PHACTR3: variants seen among roughly 807,000 people sequenced by gnomAD.
The protein encoded by PHACTR3 is phosphatase and actin regulator 3.
Under a neutral mutation model 66.8 loss-of-function variants are expected in PHACTR3, and 16 were observed. The ratio of observed to expected loss-of-function variants is 0.24; its 90% confidence interval spans 0.16 to 0.36. PHACTR3 has a LOEUF of 0.36. Ranked by LOEUF, PHACTR3 falls within the 10% of genes least tolerant of loss-of-function variation. PHACTR3 has a pLI of 1.00. For synonymous variants in PHACTR3, 323 were observed against 292.1 expected (o/e 1.11, Z -1.08); for missense variants, 647 against 719.9 (o/e 0.90, Z 1.16).
intron 1 of PHACTR3, among the ~76,000 whole-genome samples, chr20:59,648,061 T>C (rs2035342301): frequency 6.6e-6 from 1 of 152,254 alleles, no homozygotes; most frequent in South Asian, 2.1e-4. Flanking sequence ...CATATGGCTT[T>C]AGTTGCTGTT....
chr20:59,822,115 G>C lies in PHACTR3; in HGVS notation c.1329-14390G>C, dbSNP rs1328281447. ...CCAGCGATCCCACCCCCTCCGCAGC[G>C]ATCCCACCCCCTCCGCAGCGATCCC... On this transcript the variant is annotated intron_variant, in intron 8 of 12. Transcript: ENST00000371015. 7.1e-5 allele frequency among the ~76,000 whole-genome samples: 3 copies of C among 42,316 alleles called. No homozygotes were observed. In the South Asian group the frequency reaches 5.7e-3, roughly 80 times the overall value. 27.8% of individuals were successfully genotyped at this position (42,316 alleles called of 152,430 possible). A position where few individuals can be genotyped will look rare whatever the true frequency, so the allele number is the denominator to read the frequency against.
chr20:59,809,976 T>A (rs1028839081), intron 8 of PHACTR3, among the ~76,000 whole-genome samples: 1 of 152,244 alleles, frequency 6.6e-6, no homozygotes, highest in Non-Finnish European at 1.5e-5. Flanking sequence ...CAGAATTTTA[T>A]TCACTTCTGT....
At chr20:59,814,433 C>A (rs920390084) in intron 8 of PHACTR3, among the ~76,000 whole-genome samples, 4 of 152,112 alleles carry the variant, frequency 2.6e-5, no homozygotes, top group African/African-American at 9.7e-5. Flanking sequence ...GTTATATGTC[C>A]AAAGGGTCCC....
At chr20:59,780,185 C>T (rs2040676398) in intron 7 of PHACTR3, among the ~76,000 whole-genome samples, 1 of 152,176 alleles carries the variant, frequency 6.6e-6, no homozygotes, top group South Asian at 2.1e-4. Flanking sequence ...GCTGCTGCTC[C>T]TCCTGCAGAC....
At chr20:59,759,715 C>A (rs2039931186) in intron 4 of PHACTR3, among the ~76,000 whole-genome samples, 1 of 152,206 alleles carries the variant, frequency 6.6e-6, no homozygotes, top group Admixed American at 6.5e-5. Flanking sequence ...CTGATGCTGT[C>A]TGTTCTCTTC....
chr20:59,825,233 C>T (rs770832681), intron 8 of PHACTR3, among the ~76,000 whole-genome samples: 2 of 152,190 alleles, frequency 1.3e-5, no homozygotes, highest in Admixed American at 6.5e-5. Context: ...GCTGTGCAAG[C>T]GTGGGACTGT....
chr20:59,799,265 G>T (rs559040830), intron 7 of PHACTR3, among the ~76,000 whole-genome samples: 42 of 152,188 alleles, frequency 2.8e-4, no homozygotes, highest in African/African-American at 9.4e-4. Flanking sequence ...CTGTTGTTTG[G>T]TATAGTGCTT....
chr20:59,634,934 T>C (rs2146402503), intron 1 of PHACTR3, among the ~76,000 whole-genome samples: 1 of 152,248 alleles, frequency 6.6e-6, no homozygotes, highest in African/African-American at 2.4e-5. Flanking sequence ...CATCGGGCAG[T>C]GCAGTGACAC....
At chr20:59,634,798 C>T (rs1007402794) in intron 1 of PHACTR3, among the ~76,000 whole-genome samples, 2 of 152,172 alleles carry the variant, frequency 1.3e-5, no homozygotes, top group South Asian at 4.2e-4. Flanking sequence ...GGGATTGCGC[C>T]GCTGGCCGCA....
In PHACTR3 at chr20:59,613,049, C is replaced by T. The variant is rs189507135; in HGVS notation, c.118+7917C>T. On this transcript the variant is annotated intron_variant, in intron 1 of 12. Coordinates refer to ENST00000371015, the MANE Select transcript of PHACTR3 (RefSeq NM_080672.5). Reference sequence around the variant, plus strand: ...CAAGCCATTCATGAGGAATCCGCCCCCATGATTCAAACACCTCCCACCCAG... The same window carrying T: ...CAAGCCATTCATGAGGAATCCGCCCTCATGATTCAAACACCTCCCACCCAG... Among the ~76,000 whole-genome samples the T allele has an allele frequency of 2.0e-5, 3 of 152,250 alleles. No homozygotes were observed. The East Asian group carries it at 5.8e-4, about 29-fold the overall frequency.
At chr20:59,663,489 T>C (rs893775707) in intron 1 of PHACTR3, among the ~76,000 whole-genome samples, 2 of 152,242 alleles carry the variant, frequency 1.3e-5, no homozygotes, top group African/African-American at 4.8e-5. Flanking sequence ...TCAGGTTTTT[T>C]GTTTGTTTTT....
chr20:59,773,556 C>A, intron 6 of PHACTR3, 103 bp downstream of exon 6: 1 of 1,210,942 alleles, frequency 8.3e-7, no homozygotes, highest in Non-Finnish European at 1.1e-6. Context: ...GGCTGGGTGT[C>A]CCGTTCTACA....
intron 11 of PHACTR3, among the ~76,000 whole-genome samples, chr20:59,842,064 T>C (rs188457742): frequency 6.6e-6 from 1 of 152,252 alleles, no homozygotes; most frequent in Admixed American, 6.5e-5. Flanking sequence ...CAGTTTGAGG[T>C]ATCTCTGAGA....
chr20:59,776,745 G>C (rs2040550925), intron 7 of PHACTR3, among the ~76,000 whole-genome samples: 1 of 150,920 alleles, frequency 6.6e-6, no homozygotes, highest in African/African-American at 2.4e-5. Context: ...AACCCTCTGT[G>C]GCAGCGTGGT....
At chr20:59,667,348 G>A (rs770971446) in intron 1 of PHACTR3, among the ~76,000 whole-genome samples, 2 of 152,242 alleles carry the variant, frequency 1.3e-5, no homozygotes, top group Non-Finnish European at 2.9e-5. Context: ...CTGCCACCTG[G>A]GCTGCTTTGC....
At chr20:59,670,920 TCTC>T (rs2036174233) in intron 1 of PHACTR3, among the ~76,000 whole-genome samples, 3 of 152,216 alleles carry the variant, frequency 2.0e-5, no homozygotes, top group South Asian at 4.2e-4. Flanking sequence ...TCTTGCCACT[TCTC>T]CTCTGCAATC....
At chr20:59,698,246 A>T (rs1322059953) in intron 1 of PHACTR3, among the ~76,000 whole-genome samples, 3 of 152,200 alleles carry the variant, frequency 2.0e-5, no homozygotes, top group Admixed American at 6.5e-5. Flanking sequence ...CCACCCCAAC[A>T]AAATAATATC....
upstream of PHACTR3, among the ~76,000 whole-genome samples, chr20:59,602,455 AGAG>A (rs1208803022): frequency 6.8e-6 from 1 of 146,394 alleles, no homozygotes; most frequent in African/African-American, 2.5e-5. Flanking sequence ...AAAAAAAAAA[AGAG>A]AGAGAGAGAG....
intron 1 of PHACTR3, among the ~76,000 whole-genome samples, chr20:59,691,157 G>A (rs73142823): frequency 0.01 from 1,524 of 152,330 alleles, 23 homozygotes; most frequent in Admixed American, 0.017. Flanking sequence ...ATCCCTGCCC[G>A]TGGAGGGGAC....
Sources: allele counts gnomAD v4.1 joint callset (sites outside exome capture counted in the v4.1 genomes callset), GRCh38; gene constraint gnomAD v4.1.1; transcripts MANE v1.5; gene names NCBI Gene and HGNC (gene_info 2026-07-23, HGNC 2026-07-21).